CCDC201: variants seen among roughly 807,000 people sequenced by gnomAD.
CCDC201 encodes coiled-coil domain-containing protein 201.
At chr7:45,871,467 C>T (rs776221272) in intron 1 of CCDC201, among the ~76,000 whole-genome samples, 2 of 152,108 alleles carry the variant, frequency 1.3e-5, no homozygotes, top group African/African-American at 2.4e-5. Flanking sequence ...TAAAGACTTA[C>T]ATGTAGAAAA....
At chr7:45,867,184 T>C (rs1786687487) in intron 1 of CCDC201, among the ~76,000 whole-genome samples, 1 of 152,136 alleles carries the variant, frequency 6.6e-6, no homozygotes, top group African/African-American at 2.4e-5. Context: ...CATGTTAAAG[T>C]GACCTGACAG....
intron 2 of CCDC201, among the ~76,000 whole-genome samples, chr7:45,864,295 C>T (rs573204939): frequency 6.6e-5 from 10 of 152,258 alleles, no homozygotes; most frequent in Admixed American, 1.3e-4. Flanking sequence ...GATGCTCCAT[C>T]GGGAGCATCC....
At chr7:45,875,804 A>T (rs1198232917), upstream of CCDC201, among the ~76,000 whole-genome samples, 1 of 152,158 alleles carries the variant, frequency 6.6e-6, no homozygotes, top group African/African-American at 2.4e-5. Flanking sequence ...GTGACTGAGG[A>T]CAGAGTGGTT....
At chr7:45,877,983 AG>A (rs1375381885), upstream of CCDC201, among the ~76,000 whole-genome samples, 1 of 152,226 alleles carries the variant, frequency 6.6e-6, no homozygotes, top group Non-Finnish European at 1.5e-5. Context: ...ATGGGGGTAC[AG>A]GCATTGGAAA....
intron 2 of CCDC201, among the ~76,000 whole-genome samples, chr7:45,865,672 T>C (rs1786660386): frequency 2.0e-5 from 3 of 152,140 alleles, no homozygotes; most frequent in Non-Finnish European, 4.4e-5. Flanking sequence ...TCCTGTGAGC[T>C]AAAGAGCAAT....
At chr7:45,860,264 G>C (rs1408460709) in exon 3 of CCDC201, 1 of 151,448 alleles carries the variant, frequency 6.6e-6, no homozygotes, top group African/African-American at 2.5e-5. Context: ...TGATCAGTTA[G>C]GGTGGGGCAG....
chr7:45,876,678 AT>A (rs1182372713), upstream of CCDC201, among the ~76,000 whole-genome samples: 1 of 152,190 alleles, frequency 6.6e-6, no homozygotes, highest in Non-Finnish European at 1.5e-5. Flanking sequence ...GAATAATATA[AT>A]TGGGAAATCA....
At chr7:45,881,772 ATT>A in the CCDC201 span, among the ~76,000 whole-genome samples, 8 of 152,142 alleles carry the variant, frequency 5.3e-5, no homozygotes, top group African/African-American at 1.9e-4. Context: ...CAACACTGAG[ATT>A]CAGACCCTGG....
At chr7:45,863,481 G>A (rs987224228) in intron 2 of CCDC201, among the ~76,000 whole-genome samples, 2 of 152,308 alleles carry the variant, frequency 1.3e-5, no homozygotes, top group East Asian at 1.9e-4. Flanking sequence ...GACAGGCTGC[G>A]AGCATGGAGT....
upstream of CCDC201, among the ~76,000 whole-genome samples, chr7:45,874,726 C>T (rs935483605): frequency 5.9e-5 from 9 of 152,348 alleles, no homozygotes; most frequent in South Asian, 6.2e-4. Flanking sequence ...CCCTGGTTGG[C>T]GCAGAGCAAC....
chr7:45,880,414 A>AT, the CCDC201 span, among the ~76,000 whole-genome samples: 1 of 152,258 alleles, frequency 6.6e-6, no homozygotes, highest in Non-Finnish European at 1.5e-5. Flanking sequence ...AACTCCAGTG[A>AT]TGGCACCCTG....
chr7:45,873,679 C>T (rs886701557), upstream of CCDC201, among the ~76,000 whole-genome samples: 2 of 152,204 alleles, frequency 1.3e-5, no homozygotes, highest in African/African-American at 2.4e-5. Flanking sequence ...AAAGGCAACA[C>T]GTGCCACAGA....
chr7:45,876,488 G>A (rs1468548815), upstream of CCDC201, among the ~76,000 whole-genome samples: 1 of 152,124 alleles, frequency 6.6e-6, no homozygotes, highest in Non-Finnish European at 1.5e-5. Context: ...CACAAAGCTG[G>A]CCAGGCCACC....
intron 1 of CCDC201, among the ~76,000 whole-genome samples, chr7:45,867,574 G>A (rs374254183): frequency 5.9e-5 from 9 of 152,342 alleles, no homozygotes; most frequent in African/African-American, 2.2e-4. Flanking sequence ...ATTAGCAAGT[G>A]CATGTCCATT....
At chr7:45,881,757 A>G in the CCDC201 span, among the ~76,000 whole-genome samples, 1 of 152,138 alleles carries the variant, frequency 6.6e-6, no homozygotes, top group Non-Finnish European at 1.5e-5. Flanking sequence ...CCTCGCTTCC[A>G]TCGCCAACAC....
chr7:45,867,358 T>A (rs1583652869), intron 1 of CCDC201, among the ~76,000 whole-genome samples: 1 of 152,346 alleles, frequency 6.6e-6, no homozygotes, highest in African/African-American at 2.4e-5. Context: ...CCCACTTGAA[T>A]GGAACAATTT....
At chr7:45,876,419 C>T (rs563659071), upstream of CCDC201, among the ~76,000 whole-genome samples, 1 of 152,296 alleles carries the variant, frequency 6.6e-6, no homozygotes, top group South Asian at 2.1e-4. Context: ...GCTACTTGCC[C>T]AAGATCACAG....
chr7:45,879,503 C>A, the CCDC201 span, among the ~76,000 whole-genome samples: 1 of 152,186 alleles, frequency 6.6e-6, no homozygotes, highest in Non-Finnish European at 1.5e-5. Flanking sequence ...CCTCAGGAAA[C>A]TTACAATCAT....
the CCDC201 span, among the ~76,000 whole-genome samples, chr7:45,878,354 C>T: frequency 2.0e-5 from 3 of 152,256 alleles, no homozygotes; most frequent in Non-Finnish European, 4.4e-5. Flanking sequence ...TTCAGCCCCA[C>T]ATTTCACTTC....
Sources: gnomAD v4.1 joint callset for allele counts (sites outside exome capture counted in the v4.1 genomes callset) on GRCh38, gnomAD v4.1.1 for gene constraint, MANE v1.5 for transcripts, NCBI Gene and HGNC (gene_info 2026-07-23, HGNC 2026-07-21) for gene names.